Variants in PKD1L3 observed in about 807,000 individuals in gnomAD.
The protein encoded by PKD1L3 is polycystin 1 like 3, transient receptor potential channel interacting.
Under a neutral mutation model 184.1 loss-of-function variants are expected in PKD1L3, and 239 were observed. The observed-to-expected ratio is 1.30, with a 90% CI of 1.17 to 1.45. The LOEUF (loss-of-function observed/expected upper bound fraction) is 1.45, where lower values mean the gene tolerates loss of function less well. Among genes scored for constraint, PKD1L3 ranks in the 40% most tolerant of loss-of-function variants. The pLI is 0.00. For synonymous variants in PKD1L3, 996 were observed against 778.8 expected (o/e 1.28, Z -4.64); for missense variants, 2,660 against 2,067.2 (o/e 1.29, Z -5.56).
rs1567504309 is a variant in PKD1L3, at chr16:71,950,135, CGTGGGAAGAA to C, written c.3356_3365del (p.Ile1119ArgfsTer15). The C allele has an allele frequency of 1.3e-6, 2 of 1,551,788 alleles. No homozygotes were observed. Among genetic ancestry groups the C allele is most frequent in the Admixed American group, 2.0e-5 (1 of 50,902 alleles). On this transcript the variant is annotated frameshift_variant, in exon 20 of 30. Transcript: ENST00000620267. LOFTEE classifies it high-confidence loss of function. The stretch of plus-strand genomic sequence containing the variant: ...TGCATTACCTGGATGGCTCTTGCTC[CGTGGGAAGAA>C]TATGTGTTTCCAAGAGTTCCTGGAG...
At chr16:71,996,870 C>T (rs866851363) in intron 2 of PKD1L3, among the ~76,000 whole-genome samples, 55 of 151,790 alleles carry the variant, frequency 3.6e-4, no homozygotes, top group Middle Eastern at 3.2e-3. Context: ...TGAGAGAAGG[C>T]ATTATCTCTC....
intron 22 of PKD1L3, among the ~76,000 whole-genome samples, chr16:71,945,551 AC>A (rs1224952696): frequency 6.6e-6 from 1 of 151,522 alleles, no homozygotes; most frequent in Non-Finnish European, 1.5e-5. Context: ...GGTGGAGTGC[AC>A]CTGTAATCAC....
intron 28 of PKD1L3, among the ~76,000 whole-genome samples, chr16:71,931,365 G>GC (rs1279599285): frequency 2.6e-5 from 4 of 151,702 alleles, no homozygotes; most frequent in Admixed American, 2.6e-4. Context: ...TGGCGCCAGG[G>GC]CCCCCACAGG....
rs1171960641 is a variant in PKD1L3, at chr16:71,967,186, G to A, written c.2416C>T (p.Leu806=). 6.4e-7 allele frequency: 1 copy of A among 1,551,626 alleles called. No individual in the cohort carries two copies. Among genetic ancestry groups the A allele is most frequent in the Non-Finnish European group, 8.7e-7 (1 of 1,146,992 alleles). The change falls in exon 15 of 30, where the codon CTG becomes TTG. Residue 806 remains leucine (L), a synonymous_variant. Transcript: ENST00000620267. ...TCATGCCAGAGCCGAAGGCTGTGCA[G>A]GTTCCCTAGAGAGGTCCAAGTGGTG... The part of the protein sequence containing the change: ...LLTTWTSLGN[L]HSLRLWHDNS...
chr16:71,997,418 C>T (rs1041952794), intron 2 of PKD1L3, among the ~76,000 whole-genome samples: 1 of 151,398 alleles, frequency 6.6e-6, no homozygotes, highest in Non-Finnish European at 1.5e-5. Flanking sequence ...AAGACCCCCC[C>T]CCCCACAACC....
chr16:71,942,922 T>C lies in PKD1L3; in HGVS notation c.3962A>G (p.Gln1321Arg). 6.4e-7 allele frequency: 1 copy of C among 1,551,594 alleles called. No individual in the cohort carries two copies. Among genetic ancestry groups the C allele is most frequent in the Non-Finnish European group, 8.7e-7 (1 of 1,146,906 alleles). Reference protein sequence around the residue: ...HQAIWKTFSHQFSEIKLLQDF... With the variant: ...HQAIWKTFSHRFSEIKLLQDF... ...CTGAAGAAGTTTGATTTCCGAGAAC[T>C]GGTGCGAAAATGTCTTCCAGATAGC... is the stretch of plus-strand genomic sequence containing the variant. Residue 1321 changes from glutamine to arginine, a missense_variant, in exon 24 of 30, where the codon CAG (glutamine) becomes CGG (arginine). Gln to Arg is a conservative substitution (Grantham distance 43, BLOSUM62 1). Transcript: ENST00000620267.
At chr16:71,952,865 G>A (rs11648353) in intron 18 of PKD1L3, 29 bp downstream of exon 18, 1,124,335 of 1,510,152 alleles carry the variant, frequency 0.74, 420,697 homozygotes, top group East Asian at 0.96. Flanking sequence ...AATAAAATAA[G>A]ATAAAATAAA....
chr16:71,930,105 G>T lies in PKD1L3; in HGVS notation c.5005C>A (p.Leu1669Ile). Residue 1669 changes from leucine to isoleucine, a missense_variant, in exon 29 of 30, where the codon CTT becomes ATT. Transcript: ENST00000620267. The part of the protein sequence containing the change: ...VILMVLVVIN[L>I]FVSAILMAFG... The stretch of plus-strand genomic sequence containing the variant: ...GCCATGAGAATGGCCGAAACGAAAA[G>T]ATTAATTACCACAAGTACCATCAAG... 1 of 1,551,614 alleles carries T rather than the reference G, an allele frequency of 6.4e-7. No individual in the cohort carries two copies. Among genetic ancestry groups the T allele is most frequent in the East Asian group, 2.4e-5 (1 of 40,916 alleles).
chr16:71,958,357 A>G (rs2143472324), intron 16 of PKD1L3, among the ~76,000 whole-genome samples: 1 of 146,580 alleles, frequency 6.8e-6, no homozygotes, highest in East Asian at 2.0e-4. Flanking sequence ...ACTGCACTCC[A>G]GCCTGGGCGA....
chr16:71,954,362 A>C, intron 16 of PKD1L3, 61 bp from the exon 17 acceptor site: 2 of 1,354,238 alleles, frequency 1.5e-6, no homozygotes, highest in South Asian at 2.9e-5. Context: ...GCACCAGTTT[A>C]AGATGTGATT....
intron 15 of PKD1L3, among the ~76,000 whole-genome samples, chr16:71,964,744 G>A (rs765728487): frequency 2.6e-5 from 4 of 151,732 alleles, no homozygotes; most frequent in African/African-American, 9.7e-5. Context: ...CTCATTCCTG[G>A]CCTTAGGAGA....
intron 16 of PKD1L3, among the ~76,000 whole-genome samples, chr16:71,958,593 C>T (rs1337457190): frequency 6.6e-6 from 1 of 150,666 alleles, no homozygotes; most frequent in African/African-American, 2.4e-5. Flanking sequence ...CCAGCCTGGC[C>T]AACATGGTGA....
intron 1 of PKD1L3, among the ~76,000 whole-genome samples, chr16:71,998,958 T>C (rs2040878632): frequency 6.6e-6 from 1 of 152,166 alleles, no homozygotes; most frequent in Non-Finnish European, 1.5e-5. Context: ...ACTTCAAGAT[T>C]ATGGTGCATA....
chr16:71,947,257 CA>C (rs1415931093), intron 22 of PKD1L3, among the ~76,000 whole-genome samples: 1 of 151,696 alleles, frequency 6.6e-6, no homozygotes, highest in Admixed American at 6.6e-5. Flanking sequence ...AACTCCGTCT[CA>C]AAAAAATAAA....
At chr16:71,943,785 G>A (rs1261299787) in intron 23 of PKD1L3, among the ~76,000 whole-genome samples, 1 of 152,134 alleles carries the variant, frequency 6.6e-6, no homozygotes, top group African/African-American at 2.4e-5. Flanking sequence ...TAGATCAAGT[G>A]TTATTACATT....
At chr16:71,966,096 A>G (rs914911489) in intron 15 of PKD1L3, among the ~76,000 whole-genome samples, 3 of 152,054 alleles carry the variant, frequency 2.0e-5, no homozygotes, top group East Asian at 3.9e-4. Context: ...AGGGGGAAAA[A>G]TGTATTTTGC....
chr16:71,944,090 T>C lies in PKD1L3; in HGVS notation c.3799A>G (p.Lys1267Glu), dbSNP rs1372438870. The C allele has an allele frequency of 4.5e-6, 7 of 1,551,888 alleles. No individual in the cohort carries two copies. The East Asian group carries it at 1.5e-4, about 33-fold the overall frequency. ...YVAPAINSPT[K>E]HPERTLKKKK... is the part of the protein sequence containing the mutation. ...TTTTTCAAGGTTCTTTCTGGGTGCTTAGTTGGACTATTTATAGCTGGGGCT... is the reference window on the plus strand; with the variant it reads ...TTTTTCAAGGTTCTTTCTGGGTGCTCAGTTGGACTATTTATAGCTGGGGCT... Residue 1267 changes from lysine to glutamate, a missense_variant, in exon 23 of 30, where the codon AAG (lysine) becomes GAG (glutamate). Transcript: ENST00000620267.
intron 22 of PKD1L3, among the ~76,000 whole-genome samples, chr16:71,945,288 A>ATATATCTATATATC (rs1567498268): frequency 3.0e-5 from 2 of 66,382 alleles, no homozygotes; most frequent in African/African-American, 1.3e-4. Flanking sequence ...ATATATATAT[A>ATATATCTATATATC]TATATATATA....
chr16:71,932,459 T>C (rs1453731323), intron 28 of PKD1L3, among the ~76,000 whole-genome samples: 1 of 151,742 alleles, frequency 6.6e-6, no homozygotes, highest in African/African-American at 2.4e-5. Context: ...ACCTTCCTAA[T>C]TCTTTGTCAC....
Sources: allele counts gnomAD v4.1 joint callset (sites outside exome capture counted in the v4.1 genomes callset), GRCh38; gene constraint gnomAD v4.1.1; transcripts MANE v1.5; gene names NCBI Gene and HGNC (gene_info 2026-07-23, HGNC 2026-07-21).